Variants in CTNNA2 observed in about 807,000 individuals in gnomAD.
CTNNA2 encodes catenin alpha-2.
A neutral mutation model predicts 101.0 loss-of-function variants in CTNNA2; 42 were observed. The ratio of observed to expected loss-of-function variants is 0.42; its 90% CI spans 0.32 to 0.54. The LOEUF is 0.54. Among genes scored for constraint, CTNNA2 ranks in the 20% least tolerant of loss-of-function variants. The pLI, the probability that CTNNA2 is intolerant of heterozygous loss-of-function variation, is 0.14. For synonymous variants in CTNNA2, 450 were observed against 456.4 expected, an observed-to-expected ratio of 0.99 and a Z score of 0.18; for missense variants, 871 against 1,223.1, an observed-to-expected ratio of 0.71 and a Z score of 4.29.
At chr2:79,612,505 C>A (rs1678346337) in intron 1 of CTNNA2, among the ~76,000 whole-genome samples, 1 of 152,092 alleles carries the variant, frequency 6.6e-6, no homozygotes, top group African/African-American at 2.4e-5. Context: ...CATTTTCTAG[C>A]CCCAATGATT....
chr2:79,287,248 C>T (rs12617803), intron 2 of CTNNA2, among the ~76,000 whole-genome samples: 115,638 of 152,056 alleles, frequency 0.76, 44,856 homozygotes, highest in East Asian at 0.82. Context: ...GCCTTCTTCT[C>T]TCAGCTCGTC....
intron 2 of CTNNA2, among the ~76,000 whole-genome samples, chr2:79,689,284 A>G (rs1391165389): frequency 1.3e-5 from 2 of 151,926 alleles, no homozygotes; most frequent in Non-Finnish European, 2.9e-5. Flanking sequence ...CTGAGCATAC[A>G]CTCAGGATCA....
intron 1 of CTNNA2, among the ~76,000 whole-genome samples, chr2:79,610,214 T>G (rs1678175812): frequency 6.6e-6 from 1 of 152,112 alleles, no homozygotes; most frequent in African/African-American, 2.4e-5. Flanking sequence ...AGAACCTTAA[T>G]GTGATACACA....
At chr2:80,078,547 C>G (rs1164873751) in intron 7 of CTNNA2, among the ~76,000 whole-genome samples, 2 of 152,142 alleles carry the variant, frequency 1.3e-5, no homozygotes. Context: ...CCGCGGGCAT[C>G]TGTATGGTGT....
intron 9 of CTNNA2, among the ~76,000 whole-genome samples, 154 bp downstream of exon 9, chr2:80,419,755 C>G (rs1680355461): frequency 6.6e-6 from 1 of 151,930 alleles, no homozygotes; most frequent in African/African-American, 2.4e-5. Context: ...TACTGTACCC[C>G]CTTTCGAAGG....
intron 7 of CTNNA2, among the ~76,000 whole-genome samples, chr2:80,227,842 C>CA (rs1708975019): frequency 6.7e-6 from 1 of 150,028 alleles, no homozygotes; most frequent in East Asian, 1.9e-4. Flanking sequence ...TCGAAAAAAA[C>CA]AAAAAACAAA....
intron 3 of CTNNA2, among the ~76,000 whole-genome samples, chr2:79,802,775 T>G (rs1041055904): frequency 4.6e-5 from 7 of 152,378 alleles, no homozygotes; most frequent in Non-Finnish European, 7.3e-5. Flanking sequence ...ACATGCTTTT[T>G]TGTGTGTGAC....
chr2:79,445,899 C>G (rs1678827058), intron 4 of CTNNA2, among the ~76,000 whole-genome samples: 1 of 152,038 alleles, frequency 6.6e-6, no homozygotes, highest in South Asian at 2.1e-4. Flanking sequence ...CAAGAGCATC[C>G]AGAGAATGCT....
At chr2:79,478,497 C>A (rs1671076020) in intron 4 of CTNNA2, among the ~76,000 whole-genome samples, 1 of 152,158 alleles carries the variant, frequency 6.6e-6, no homozygotes, top group African/African-American at 2.4e-5. Flanking sequence ...ACTGCCCACT[C>A]AACACCCAAT....
At chr2:79,752,800 GC>G (rs1193863192) in intron 3 of CTNNA2, among the ~76,000 whole-genome samples, 1 of 152,102 alleles carries the variant, frequency 6.6e-6, no homozygotes, top group Non-Finnish European at 1.5e-5. Context: ...ACAACTGTTT[GC>G]CTGCTTGCTT....
intron 4 of CTNNA2, among the ~76,000 whole-genome samples, chr2:79,424,691 C>T (rs779579514): frequency 1.2e-4 from 18 of 152,074 alleles, no homozygotes; most frequent in Non-Finnish European, 1.8e-4. Context: ...ACCCTAGATA[C>T]TCAGCTCTAG....
In CTNNA2 at chr2:79,969,254, G is replaced by T. The variant is rs1370207121; in HGVS notation, c.1056+59457G>T. ...AGAGCACACATTTATTAGGTAGCTG[G>T]CCAGGGATTGGAACTCAATATTTTG... is the stretch of plus-strand genomic sequence containing the variant. On this transcript the variant is annotated intron_variant, in intron 7 of 18. Coordinates refer to ENST00000402739, the MANE Select transcript of CTNNA2 (RefSeq NM_001282597.3). Among the ~76,000 whole-genome samples, 3 of 152,134 alleles carry T rather than the reference G, an allele frequency of 2.0e-5. No homozygotes were observed. The South Asian group carries it at 6.2e-4, about 32-fold the overall frequency.
intron 4 of CTNNA2, among the ~76,000 whole-genome samples, chr2:79,491,739 A>G (rs1050162030): frequency 6.6e-6 from 1 of 152,196 alleles, no homozygotes; most frequent in Non-Finnish European, 1.5e-5. Flanking sequence ...TGCTGCTGCC[A>G]CCACACCATT....
At chr2:80,045,672 T>A (rs1009778568) in intron 7 of CTNNA2, among the ~76,000 whole-genome samples, 13 of 152,182 alleles carry the variant, frequency 8.5e-5, no homozygotes, top group Non-Finnish European at 2.9e-5. Context: ...GCCATTTTTT[T>A]TCTGAATTTG....
At chr2:79,466,735 G>T (rs1433377874) in intron 4 of CTNNA2, among the ~76,000 whole-genome samples, 1 of 152,226 alleles carries the variant, frequency 6.6e-6, no homozygotes, top group Non-Finnish European at 1.5e-5. Context: ...TCACTGTACT[G>T]CAGCCTCTGC....
chr2:79,975,695 A>G (rs535026571), intron 7 of CTNNA2, among the ~76,000 whole-genome samples: 1 of 152,334 alleles, frequency 6.6e-6, no homozygotes, highest in East Asian at 1.9e-4. Flanking sequence ...TTTACAGTTT[A>G]TTATGAAGGA....
chr2:80,421,273 C>T (rs1220510045), intron 9 of CTNNA2, among the ~76,000 whole-genome samples: 1 of 152,132 alleles, frequency 6.6e-6, no homozygotes, highest in African/African-American at 2.4e-5. Flanking sequence ...TACAAGATAA[C>T]TGCAGAGTTT....
chr2:80,249,698 A>C lies in CTNNA2; in HGVS notation c.1057-143513A>C, dbSNP rs1164296390. Among the ~76,000 whole-genome samples, 3 of 152,122 alleles carry C rather than the reference A, an allele frequency of 2.0e-5. No homozygotes were observed. In the East Asian group the frequency reaches 5.8e-4, roughly 29 times the overall value. ...TGCGGGATTCTAAGATACATATTTA[A>C]AACTATTACATTCAGCTGCCTGTCA... is the stretch of plus-strand genomic sequence containing the variant. On this transcript the variant is annotated intron_variant, in intron 7 of 18. Transcript: ENST00000402739.
chr2:80,279,125 G>T (rs1461579915), intron 7 of CTNNA2, among the ~76,000 whole-genome samples: 5 of 149,618 alleles, frequency 3.3e-5, no homozygotes, highest in Non-Finnish European at 5.9e-5. Flanking sequence ...AAATGAAGAA[G>T]ACAGAATAAT....
Sources: gnomAD v4.1 joint callset for allele counts (sites outside exome capture counted in the v4.1 genomes callset) on GRCh38, gnomAD v4.1.1 for gene constraint, MANE v1.5 for transcripts, NCBI Gene and HGNC (gene_info 2026-07-23, HGNC 2026-07-21) for gene names.